The following SLC35F4 variants were observed in gnomAD, a reference collection of about 807,000 sequenced individuals.
SLC35F4 encodes the protein solute carrier family 35 member F4.
In SLC35F4, 24 loss-of-function variants were observed where a neutral mutation model predicts 44.2. The observed-to-expected ratio is 0.54, with a 90% CI of 0.39 to 0.76. The LOEUF (loss-of-function observed/expected upper bound fraction) is 0.76. Among genes scored for constraint, SLC35F4 ranks in the 30% least tolerant of loss-of-function variants. SLC35F4 has a pLI of 0.00. For missense variants in SLC35F4, 562 were observed against 586.1 expected (o/e 0.96, Z 0.42); for synonymous variants, 238 against 223.6 (o/e 1.06, Z -0.57).
intron 1 of SLC35F4, among the ~76,000 whole-genome samples, chr14:57,878,215 T>G (rs1247185830): frequency 6.6e-6 from 1 of 152,212 alleles, no homozygotes; most frequent in Non-Finnish European, 1.5e-5. Flanking sequence ...ATTAGACCTT[T>G]GTTGGATGCA....
At chr14:57,569,766 G>A (rs1278501892) in intron 6 of SLC35F4, 22 bp downstream of exon 6, 1 of 1,560,930 alleles carries the variant, frequency 6.4e-7, no homozygotes, top group Non-Finnish European at 8.6e-7. Flanking sequence ...GGGAATGGAA[G>A]GCAAAACCCG....
intron 1 of SLC35F4, among the ~76,000 whole-genome samples, chr14:57,791,118 GC>G (rs1366338127): frequency 1.3e-5 from 2 of 152,108 alleles, no homozygotes; most frequent in Non-Finnish European, 2.9e-5. Flanking sequence ...GGCAACAAAA[GC>G]CAAAATTGAC....
intron 1 of SLC35F4, among the ~76,000 whole-genome samples, chr14:57,787,017 A>T (rs1306273549): frequency 6.6e-6 from 1 of 152,204 alleles, no homozygotes; most frequent in African/African-American, 2.4e-5. Context: ...CCAAAAAACG[A>T]TACAAGAAGT....
At chr14:57,617,907 C>CAGA (rs202102199) in intron 1 of SLC35F4, among the ~76,000 whole-genome samples, 1 of 70,128 alleles carries the variant, frequency 1.4e-5, no homozygotes, top group African/African-American at 4.0e-5. Context: ...TTCTGTCATT[C>CAGA]AAAGAAAATA....
At chr14:57,613,842 T>C (rs1199938844) in intron 1 of SLC35F4, among the ~76,000 whole-genome samples, 1 of 152,238 alleles carries the variant, frequency 6.6e-6, no homozygotes, top group Non-Finnish European at 1.5e-5. Flanking sequence ...TCAGTTTCTT[T>C]ATTGGCAAGG....
chr14:57,963,848 A>T (rs1384219759), intron 1 of SLC35F4, among the ~76,000 whole-genome samples: 2 of 149,486 alleles, frequency 1.3e-5, no homozygotes, highest in Non-Finnish European at 2.9e-5. Flanking sequence ...TCAGTCTCAC[A>T]TGTAGCTGAG....
intron 1 of SLC35F4, among the ~76,000 whole-genome samples, chr14:57,671,408 G>A (rs929180465): frequency 2.6e-5 from 4 of 152,006 alleles, no homozygotes; most frequent in Admixed American, 6.6e-5. Flanking sequence ...CAGCAGGATA[G>A]GGTACTGACC....
chr14:57,616,830 A>C (rs1181749438), intron 1 of SLC35F4, among the ~76,000 whole-genome samples: 1 of 152,016 alleles, frequency 6.6e-6, no homozygotes, highest in Non-Finnish European at 1.5e-5. Flanking sequence ...CCCTTTGTTC[A>C]TCCCTTGACA....
downstream of SLC35F4, among the ~76,000 whole-genome samples, chr14:57,975,873 G>A (rs1218380176): frequency 6.6e-6 from 1 of 152,196 alleles, no homozygotes; most frequent in African/African-American, 2.4e-5. Flanking sequence ...AATTGTCAGA[G>A]GCAAGGTGAA....
intron 1 of SLC35F4, among the ~76,000 whole-genome samples, chr14:57,810,927 A>G (rs1279786296): frequency 6.6e-6 from 1 of 152,236 alleles, no homozygotes; most frequent in Non-Finnish European, 1.5e-5. Flanking sequence ...AGGCAATTCT[A>G]ATATTGTCAG....
chr14:57,971,980 G>C (rs1334967637), downstream of SLC35F4, among the ~76,000 whole-genome samples: 1 of 152,204 alleles, frequency 6.6e-6, no homozygotes, highest in African/African-American at 2.4e-5. Context: ...TGGTTAGGGA[G>C]GGCCTTGCTG....
At chr14:57,883,216 T>G (rs1285594032) in intron 1 of SLC35F4, among the ~76,000 whole-genome samples, 1 of 152,164 alleles carries the variant, frequency 6.6e-6, no homozygotes, top group Admixed American at 6.5e-5. Context: ...GAAATAAATG[T>G]TTGTAGTTGC....
chr14:57,619,158 CAGCGGATCTCCCAGCACAG>C, intron 1 of SLC35F4, among the ~76,000 whole-genome samples: 1 of 152,290 alleles, frequency 6.6e-6, no homozygotes. Flanking sequence ...CTTAAGAGAG[CAGCGGATCTCCCAGCACAG>C]CATTTGAGCT....
intron 1 of SLC35F4, among the ~76,000 whole-genome samples, chr14:57,815,826 A>T (rs1010529238): frequency 7.2e-5 from 11 of 152,176 alleles, no homozygotes; most frequent in African/African-American, 2.7e-4. Context: ...ATTCCTCCTC[A>T]TAGGCACAAA....
chr14:57,834,411 A>C (rs1884694017), intron 1 of SLC35F4, among the ~76,000 whole-genome samples: 1 of 152,220 alleles, frequency 6.6e-6, no homozygotes, highest in African/African-American at 2.4e-5. Context: ...ATTACAGTGC[A>C]AATAGTGTAA....
At chr14:57,799,466 T>A (rs1426189956) in intron 1 of SLC35F4, 1 of 152,348 alleles carries the variant, frequency 6.6e-6, no homozygotes, top group Non-Finnish European at 1.5e-5. Context: ...TACATATCCC[T>A]AGGAAGGGGG....
chr14:57,763,135 G>C (rs1375670190), intron 1 of SLC35F4, among the ~76,000 whole-genome samples: 1 of 152,110 alleles, frequency 6.6e-6, no homozygotes, highest in African/African-American at 2.4e-5. Context: ...CATCTTGCTA[G>C]TTCCATCATT....
At chr14:57,915,854 C>T (rs925427633) in intron 1 of SLC35F4, among the ~76,000 whole-genome samples, 15 of 152,182 alleles carry the variant, frequency 9.9e-5, no homozygotes, top group Non-Finnish European at 1.8e-4. Flanking sequence ...ACTAGAATCA[C>T]CCTAAATGAT....
At chr14:57,826,711 C>G (rs1470661253) in intron 1 of SLC35F4, among the ~76,000 whole-genome samples, 1 of 151,198 alleles carries the variant, frequency 6.6e-6, no homozygotes, top group Non-Finnish European at 1.5e-5. Flanking sequence ...TGAACAGACA[C>G]TTCTCAAAAG....
Sources: gnomAD v4.1 joint callset for allele counts (sites outside exome capture counted in the v4.1 genomes callset) on GRCh38, gnomAD v4.1.1 for gene constraint, MANE v1.5 for transcripts, NCBI Gene and HGNC (gene_info 2026-07-23, HGNC 2026-07-21) for gene names.